HS6ST3: variants seen among roughly 807,000 people sequenced by gnomAD.
The protein encoded by HS6ST3 is heparan-sulfate 6-O-sulfotransferase 3.
Under a neutral mutation model 36.7 loss-of-function variants are expected in HS6ST3, and 12 were observed. The observed-to-expected ratio is 0.33, with a 90% confidence interval of 0.21 to 0.53. HS6ST3 has a LOEUF of 0.53. Among genes scored for constraint, HS6ST3 ranks in the 20% least tolerant of loss-of-function variants. The pLI, the probability that HS6ST3 is intolerant of heterozygous loss-of-function variation, is 0.95. For missense variants in HS6ST3, 584 were observed against 640.9 expected (o/e 0.91, Z 0.96); for synonymous variants, 240 against 257.5 (o/e 0.93, Z 0.65).
intron 1 of HS6ST3, among the ~76,000 whole-genome samples, chr13:96,373,581 A>G (rs2055300544): frequency 6.6e-6 from 1 of 152,202 alleles, no homozygotes; most frequent in Non-Finnish European, 1.5e-5. Flanking sequence ...TCTGTGTGTC[A>G]TTACTTGCAT....
At chr13:96,648,066 A>G (rs554192820) in intron 1 of HS6ST3, among the ~76,000 whole-genome samples, 3 of 152,078 alleles carry the variant, frequency 2.0e-5, no homozygotes, top group South Asian at 2.1e-4. Flanking sequence ...TTTGCACACT[A>G]TGTATCCAGT....
intron 1 of HS6ST3, among the ~76,000 whole-genome samples, chr13:96,313,567 G>T (rs753380169): frequency 1.3e-5 from 2 of 151,888 alleles, no homozygotes; most frequent in Non-Finnish European, 2.9e-5. Flanking sequence ...ACCTTCAATG[G>T]TGTCTTCCCT....
chr13:96,144,132 TC>T (rs2054045004), intron 1 of HS6ST3, among the ~76,000 whole-genome samples: 1 of 152,156 alleles, frequency 6.6e-6, no homozygotes, highest in Admixed American at 6.6e-5. Context: ...TATTTCTTCA[TC>T]AGTTTAAGGA....
intron 1 of HS6ST3, among the ~76,000 whole-genome samples, chr13:96,110,227 G>A (rs2053861428): frequency 6.6e-6 from 1 of 152,004 alleles, no homozygotes; most frequent in Admixed American, 6.6e-5. Flanking sequence ...ACATCACATG[G>A]CAAGAGAGGG....
chr13:96,177,500 C>G (rs912663292), intron 1 of HS6ST3, among the ~76,000 whole-genome samples: 1 of 152,110 alleles, frequency 6.6e-6, no homozygotes, highest in Non-Finnish European at 1.5e-5. Context: ...AGGCCATTAT[C>G]CTTAGCAAAC....
chr13:96,108,490 C>T (rs563593834), intron 1 of HS6ST3, among the ~76,000 whole-genome samples: 132 of 152,146 alleles, frequency 8.7e-4, no homozygotes, highest in African/African-American at 3.0e-3. Flanking sequence ...TCTCTGTGAC[C>T]CACACTTTAT....
At chr13:96,609,217 A>C (rs1479366390) in intron 1 of HS6ST3, among the ~76,000 whole-genome samples, 1 of 151,790 alleles carries the variant, frequency 6.6e-6, no homozygotes, top group Non-Finnish European at 1.5e-5. Flanking sequence ...TGATCCACCC[A>C]CTTTGGCCTC....
At chr13:96,213,199 A>G (rs1158461408) in intron 1 of HS6ST3, among the ~76,000 whole-genome samples, 1 of 152,192 alleles carries the variant, frequency 6.6e-6, no homozygotes, top group Non-Finnish European at 1.5e-5. Flanking sequence ...GGTTTTCCTT[A>G]AAATTTTGGT....
At chr13:96,551,923 T>A (rs2056220971) in intron 1 of HS6ST3, among the ~76,000 whole-genome samples, 1 of 152,242 alleles carries the variant, frequency 6.6e-6, no homozygotes, top group Non-Finnish European at 1.5e-5. Flanking sequence ...ACTTACTTTT[T>A]ATCTTCAGTT....
intron 1 of HS6ST3, among the ~76,000 whole-genome samples, chr13:96,217,110 G>A (rs895007291): frequency 6.6e-6 from 1 of 152,178 alleles, no homozygotes; most frequent in Admixed American, 6.5e-5. Flanking sequence ...GAGTTGAGGA[G>A]TTGGGTATTG....
chr13:96,304,813 C>T (rs989023674), intron 1 of HS6ST3, among the ~76,000 whole-genome samples: 1 of 149,384 alleles, frequency 6.7e-6, no homozygotes, highest in African/African-American at 2.5e-5. Context: ...CGGGTTCAAG[C>T]AATTCTCCTG....
intron 1 of HS6ST3, among the ~76,000 whole-genome samples, chr13:96,361,505 A>G (rs1056531567): frequency 3.3e-5 from 5 of 152,184 alleles, no homozygotes; most frequent in African/African-American, 7.2e-5. Context: ...TAAAAGTAAC[A>G]CTTAACTAGA....
At chr13:96,716,015 GT>G (rs1875686755) in intron 1 of HS6ST3, among the ~76,000 whole-genome samples, 1 of 151,368 alleles carries the variant, frequency 6.6e-6, no homozygotes, top group Admixed American at 6.6e-5. Flanking sequence ...TTTCTCTGTG[GT>G]ATACTAAAAA....
rs35380296 is a variant in HS6ST3, at chr13:96,593,174, C to CTTTTTTTTTTTTTTTTTTTTTTTT, written c.708-239312_708-239289dup. Reference sequence around the variant, plus strand: ...CTCTGACTGTGTATTTTCTTTCTTTCTTTTTTTTTTTTTTTTTTTTTTTTT... The same window carrying CTTTTTTTTTTTTTTTTTTTTTTTT: ...CTCTGACTGTGTATTTTCTTTCTTTCTTTTTTTTTTTTTTTTTTTTTTTTTTTTTTTTTTTTTTTTTTTTTTTTT... On this transcript the variant is annotated intron_variant, in intron 1 of 1. Transcript: ENST00000376705. Among the ~76,000 whole-genome samples, 13 of 46,622 alleles carry CTTTTTTTTTTTTTTTTTTTTTTTT rather than the reference C, an allele frequency of 2.8e-4. 4 individuals carry two copies. Among genetic ancestry groups the CTTTTTTTTTTTTTTTTTTTTTTTT allele is most frequent in the East Asian group, 8.6e-4 (1 of 1,166 alleles). 30.6% of individuals were successfully genotyped at this position (46,622 alleles called of 152,430 possible).
chr13:96,410,323 G>A (rs952299865), intron 1 of HS6ST3, among the ~76,000 whole-genome samples: 4 of 152,022 alleles, frequency 2.6e-5, no homozygotes, highest in Non-Finnish European at 4.4e-5. Context: ...TACAAATTAT[G>A]TAATTAAAAT....
intron 1 of HS6ST3, among the ~76,000 whole-genome samples, chr13:96,499,488 T>G (rs1418586302): frequency 3.3e-5 from 5 of 152,126 alleles, no homozygotes; most frequent in Non-Finnish European, 7.4e-5. Flanking sequence ...ACTGAAGTTA[T>G]TAAGTGAGTT....
At chr13:96,157,727 G>A (rs2054116822) in intron 1 of HS6ST3, among the ~76,000 whole-genome samples, 1 of 152,214 alleles carries the variant, frequency 6.6e-6, no homozygotes, top group Non-Finnish European at 1.5e-5. Context: ...ATCACCTCTT[G>A]AGCTGTTTTT....
Position 96,461,405 on chromosome 13 carries a change from C to T in HS6ST3, c.707+369836C>T, listed in dbSNP as rs1353656409. On this transcript the variant is annotated intron_variant, in intron 1 of 1. Transcript: ENST00000376705. ...GTACATTTAATAATATTACCTGAGC[C>T]TCTACTACATGCCAGAGACACAGTG... is the stretch of plus-strand genomic sequence containing the variant. Among the ~76,000 whole-genome samples the T allele has an allele frequency of 3.3e-5, 5 of 152,074 alleles. No individual in the cohort carries two copies. The East Asian group carries it at 9.6e-4, about 29-fold the overall frequency.
chr13:96,332,910 G>A (rs2055079520), intron 1 of HS6ST3, among the ~76,000 whole-genome samples: 1 of 152,168 alleles, frequency 6.6e-6, no homozygotes, highest in Non-Finnish European at 1.5e-5. Context: ...TAAGTCATTA[G>A]GGCTGAAAGA....
Sources: allele counts gnomAD v4.1 joint callset (sites outside exome capture counted in the v4.1 genomes callset), GRCh38; gene constraint gnomAD v4.1.1; transcripts MANE v1.5; gene names NCBI Gene and HGNC (gene_info 2026-07-23, HGNC 2026-07-21).